GALNTL6: variants seen among roughly 807,000 people sequenced by gnomAD.
GALNTL6 encodes the protein polypeptide N-acetylgalactosaminyltransferase-like 6.
A neutral mutation model predicts 73.7 loss-of-function variants in GALNTL6; 46 were observed. That is an observed-to-expected ratio of 0.62 (90% confidence interval 0.49 to 0.80). GALNTL6 has a LOEUF of 0.80. GALNTL6 is among the 30% of genes least tolerant of loss of function. The pLI, the probability that GALNTL6 is intolerant of heterozygous loss-of-function variation, is 0.00. For synonymous variants in GALNTL6, 259 were observed against 263.7 expected, an observed-to-expected ratio of 0.98 and a Z score of 0.17; for missense variants, 604 against 755.0, an observed-to-expected ratio of 0.80 and a Z score of 2.34.
chr4:172,005,136 T>C (rs1740798172), intron 2 of GALNTL6, among the ~76,000 whole-genome samples: 1 of 151,912 alleles, frequency 6.6e-6, no homozygotes, highest in African/African-American at 2.4e-5. Flanking sequence ...TTTATTTATT[T>C]ATTTTTGAGA....
intron 2 of GALNTL6, among the ~76,000 whole-genome samples, chr4:172,125,393 G>A (rs1488192532): frequency 1.3e-5 from 2 of 152,034 alleles, no homozygotes; most frequent in Non-Finnish European, 2.9e-5. Context: ...AACATATTTC[G>A]GAATTAAACC....
At chr4:171,854,759 C>A (rs573692314) in intron 2 of GALNTL6, among the ~76,000 whole-genome samples, 10 of 152,140 alleles carry the variant, frequency 6.6e-5, no homozygotes, top group African/African-American at 2.4e-4. Context: ...GTGGAGGGAA[C>A]AAAGAGGCTC....
chr4:172,631,223 C>A (rs961414177), intron 5 of GALNTL6, among the ~76,000 whole-genome samples: 3 of 151,746 alleles, frequency 2.0e-5, no homozygotes, highest in Non-Finnish European at 4.4e-5. Flanking sequence ...CTCACTGCAA[C>A]CTCCTCCGCC....
intron 2 of GALNTL6, among the ~76,000 whole-genome samples, chr4:171,969,052 G>A (rs1187802428): frequency 3.9e-5 from 6 of 152,024 alleles, no homozygotes; most frequent in Admixed American, 2.0e-4. Context: ...GGTCAGGCTG[G>A]TCTCGAACTC....
rs545575478 is a variant in GALNTL6, at chr4:172,302,036, C to T, written c.248-9578C>T. Among the ~76,000 whole-genome samples, 47 of 152,340 alleles carry T rather than the reference C, an allele frequency of 3.1e-4. 1 individual carries two copies. The highest frequency in any genetic ancestry group is 8.4e-4 in the African/African-American group (35 of 41,582). On this transcript the variant is annotated intron_variant, in intron 3 of 12. Transcript: ENST00000506823. ...CTCCACCCAGTTCAAGATTCCCAGC[C>T]GCTTTGTTTACCTACTCAAGGCTCA...
chr4:172,986,903 G>A (rs1371968926), intron 10 of GALNTL6, among the ~76,000 whole-genome samples: 2 of 152,158 alleles, frequency 1.3e-5, no homozygotes, highest in African/African-American at 2.4e-5. Flanking sequence ...GTCCAAATCC[G>A]AAATATGGAA....
At chr4:171,955,870 A>G (rs2877676) in intron 2 of GALNTL6, among the ~76,000 whole-genome samples, 77,666 of 151,758 alleles carry the variant, frequency 0.51, 20,802 homozygotes, top group East Asian at 0.65. Context: ...CCCCAAAAAG[A>G]CATTGAAGCT....
At chr4:171,867,076 T>C (rs182030873) in intron 2 of GALNTL6, among the ~76,000 whole-genome samples, 7 of 152,220 alleles carry the variant, frequency 4.6e-5, no homozygotes, top group Non-Finnish European at 1.0e-4. Flanking sequence ...TAAAATATGA[T>C]AAGTTTAGGA....
chr4:171,944,905 TATA>T (rs916029677), intron 2 of GALNTL6, among the ~76,000 whole-genome samples: 1 of 152,046 alleles, frequency 6.6e-6, no homozygotes, highest in African/African-American at 2.4e-5. Flanking sequence ...CCTATGCTTT[TATA>T]ATATTTTATT....
intron 5 of GALNTL6, among the ~76,000 whole-genome samples, chr4:172,726,576 C>A (rs1379489393): frequency 6.6e-6 from 1 of 152,124 alleles, no homozygotes; most frequent in Non-Finnish European, 1.5e-5. Flanking sequence ...TGATTGAACC[C>A]CAACCTATAA....
At chr4:172,734,906 T>C (rs1736367885) in intron 5 of GALNTL6, among the ~76,000 whole-genome samples, 1 of 152,184 alleles carries the variant, frequency 6.6e-6, no homozygotes. Flanking sequence ...AGCTTCCGCA[T>C]GGTGTTTGTC....
chr4:172,120,188 T>C (rs1733109194), intron 2 of GALNTL6, among the ~76,000 whole-genome samples: 1 of 152,186 alleles, frequency 6.6e-6, no homozygotes, highest in Non-Finnish European at 1.5e-5. Flanking sequence ...TTTCATAGTT[T>C]CCAAGAACAT....
At chr4:171,956,293 A>G (rs186618883) in intron 2 of GALNTL6, among the ~76,000 whole-genome samples, 136 of 152,332 alleles carry the variant, frequency 8.9e-4, no homozygotes, top group African/African-American at 3.1e-3. Context: ...GGTGTGATCC[A>G]CTGTACCCAG....
intron 2 of GALNTL6, among the ~76,000 whole-genome samples, chr4:171,963,692 C>A (rs1002071713): frequency 6.6e-6 from 1 of 152,142 alleles, no homozygotes; most frequent in African/African-American, 2.4e-5. Context: ...CTGGTTTCAT[C>A]TTGATAACCC....
chr4:172,516,448 C>A (rs1734609358), intron 5 of GALNTL6, among the ~76,000 whole-genome samples: 1 of 152,132 alleles, frequency 6.6e-6, no homozygotes, highest in Middle Eastern at 3.4e-3. Context: ...ATAAAGGAAC[C>A]AAAGTTCCTT....
At chr4:171,897,222 T>C (rs1381142936) in intron 2 of GALNTL6, among the ~76,000 whole-genome samples, 9 of 152,170 alleles carry the variant, frequency 5.9e-5, no homozygotes, top group Non-Finnish European at 4.4e-5. Flanking sequence ...AGTTAATTCA[T>C]TGTGGAATGG....
At chr4:172,896,732 C>T (rs1746352617) in intron 8 of GALNTL6, among the ~76,000 whole-genome samples, 1 of 152,180 alleles carries the variant, frequency 6.6e-6, no homozygotes, top group South Asian at 2.1e-4. Flanking sequence ...GGGGTCAAAG[C>T]TGATACTAGG....
chr4:172,086,320 A>AGC (rs1560917039), intron 2 of GALNTL6, among the ~76,000 whole-genome samples: 1 of 152,100 alleles, frequency 6.6e-6, no homozygotes, highest in Non-Finnish European at 1.5e-5. Context: ...TCGTGTCTGA[A>AGC]GCATTAGTTT....
At chr4:171,980,205 AAATTAAAAACCATTC>A (rs1739856082) in intron 2 of GALNTL6, among the ~76,000 whole-genome samples, 1 of 152,180 alleles carries the variant, frequency 6.6e-6, no homozygotes, top group African/African-American at 2.4e-5. Flanking sequence ...GAAATGAAAA[AAATTAAAAACCATTC>A]AATTAGTAAA....
Sources: gnomAD v4.1 joint callset for allele counts (sites outside exome capture counted in the v4.1 genomes callset) on GRCh38, gnomAD v4.1.1 for gene constraint, MANE v1.5 for transcripts, NCBI Gene and HGNC (gene_info 2026-07-23, HGNC 2026-07-21) for gene names.